Variants in COL15A1 observed in about 807,000 individuals in gnomAD.
The protein encoded by COL15A1 is collagen alpha-1(XV) chain.
In COL15A1, 111 loss-of-function variants were observed where a neutral mutation model predicts 165.9. That is an observed-to-expected ratio of 0.67 (90% CI 0.57 to 0.78). The LOEUF is 0.78. Among genes scored for constraint, COL15A1 ranks in the 30% least tolerant of loss-of-function variants. The pLI is 0.00. For synonymous variants in COL15A1, 659 were observed against 674.8 expected, an observed-to-expected ratio of 0.98 and a Z score of 0.36; for missense variants, 1,745 against 1,789.7, an observed-to-expected ratio of 0.98 and a Z score of 0.45.
intron 6 of COL15A1, 46 bp from the exon 7 acceptor site, chr9:99,000,793 G>T: frequency 1.1e-6 from 1 of 907,596 alleles, no homozygotes; most frequent in South Asian, 1.3e-5. Flanking sequence ...TCTTTTCCAA[G>T]ACTGCAAAAT....
intron 6 of COL15A1, among the ~76,000 whole-genome samples, chr9:98,999,075 G>A (rs1838601069): frequency 6.6e-6 from 1 of 152,210 alleles, no homozygotes; most frequent in Non-Finnish European, 1.5e-5. Flanking sequence ...AGACGAGAGT[G>A]CTCGACCCGT....
chr9:99,057,699 G>T (rs540273539), intron 35 of COL15A1, among the ~76,000 whole-genome samples: 1 of 152,256 alleles, frequency 6.6e-6, no homozygotes, highest in South Asian at 2.1e-4. Flanking sequence ...TAGCTCCAAA[G>T]CCTGTGTTAT....
chr9:98,973,657 C>CAGAG (rs2118846375), intron 2 of COL15A1, among the ~76,000 whole-genome samples: 1 of 152,318 alleles, frequency 6.6e-6, no homozygotes, highest in East Asian at 1.9e-4. Flanking sequence ...TCCACACAGG[C>CAGAG]AGAGAGCTGT....
At position 99,054,641 on chromosome 9, in the gene COL15A1, G is replaced by A. The variant is rs544588080; in HGVS notation, c.3016G>A (p.Ala1006Thr). ...AAAGGGAGAAAAAGGCGACCAGGGA[G>A]CCCAGGGACCACCAGGTATTCCAGC... is the stretch of plus-strand genomic sequence containing the variant. Reference protein sequence around the residue: ...GSKGEKGDQGAQGPPGPPLDL... With the variant: ...GSKGEKGDQGTQGPPGPPLDL... Residue 1006 changes from alanine to threonine, a missense_variant, in exon 32 of 42, where the codon GCC becomes ACC. Transcript: ENST00000375001. 1 of 1,612,502 alleles carries A rather than the reference G, an allele frequency of 6.2e-7. No homozygotes were observed. Among genetic ancestry groups the A allele is most frequent in the Non-Finnish European group, 8.5e-7 (1 of 1,179,562 alleles).
At chr9:99,045,628 G>A (rs1434675666) in intron 26 of COL15A1, among the ~76,000 whole-genome samples, 3 of 152,192 alleles carry the variant, frequency 2.0e-5, no homozygotes, top group Non-Finnish European at 4.4e-5. Flanking sequence ...ACCCCAAGAA[G>A]TGACTCTCAG....
Position 98,944,177 on chromosome 9 carries a change from G to C in COL15A1, c.27G>C (p.Gln9His), listed in dbSNP as rs1411396901. 2 of 1,614,132 alleles carry C rather than the reference G, an allele frequency of 1.2e-6. No individual in the cohort carries two copies. Among genetic ancestry groups the C allele is most frequent in the Admixed American group, 1.7e-5 (1 of 60,024 alleles). Residue 9 changes from glutamine to histidine, a missense_variant, in exon 2 of 42, where the codon CAG becomes CAC. Transcript: ENST00000375001. The part of the protein sequence containing the change: MAPRRNNG[Q>H]CWCLLMLLSV... ...CATCTTGCAGGAGGAACAACGGGCAGTGCTGGTGTCTGCTGATGCTGCTCT... is the reference window on the plus strand; with the variant it reads ...CATCTTGCAGGAGGAACAACGGGCACTGCTGGTGTCTGCTGATGCTGCTCT...
intron 9 of COL15A1, among the ~76,000 whole-genome samples, chr9:99,015,202 A>T (rs1023048655): frequency 6.7e-6 from 1 of 150,224 alleles, no homozygotes; most frequent in Non-Finnish European, 1.5e-5. Context: ...GAGATGTGCT[A>T]GAAGGGACTC....
At chr9:98,971,258 A>G (rs62561172) in intron 2 of COL15A1, among the ~76,000 whole-genome samples, 10,787 of 152,126 alleles carry the variant, frequency 0.071, 570 homozygotes, top group Non-Finnish European at 0.11. Flanking sequence ...GCATGCTCCC[A>G]TCCCATGCCC....
chr9:99,060,139 C>T (rs928540576), intron 36 of COL15A1, among the ~76,000 whole-genome samples, 186 bp downstream of exon 36: 7 of 131,462 alleles, frequency 5.3e-5, no homozygotes, highest in Middle Eastern at 3.7e-3. Flanking sequence ...AGTAAAAAGA[C>T]GTGAAAAAAC....
chr9:98,970,046 A>G (rs1838021213), intron 2 of COL15A1, among the ~76,000 whole-genome samples: 1 of 140,634 alleles, frequency 7.1e-6, no homozygotes, highest in African/African-American at 2.9e-5. Context: ...AGTAGTTTAA[A>G]AAAAAAAAAA....
Position 99,035,082 on chromosome 9 carries a change from C to T in COL15A1, c.2148C>T (p.Val716=). 6.2e-7 allele frequency: 1 copy of T among 1,605,734 alleles called. No homozygotes were observed. Among genetic ancestry groups the T allele is most frequent in the Non-Finnish European group, 8.5e-7 (1 of 1,172,624 alleles). The change falls in exon 18 of 42, where the codon GTC becomes GTT. Residue 716 remains valine (V), a synonymous_variant. Transcript: ENST00000375001. ...GKKGQAGPPG[V]MGPPGPPGPP... ...AGGGACAAGCTGGCCCTCCTGGGGT[C>T]ATGGGACCCCCAGGGCCTCCTGGAC...
intron 30 of COL15A1, among the ~76,000 whole-genome samples, 173 bp from the exon 31 acceptor site, chr9:99,052,215 G>A (rs1056155555): frequency 2.6e-5 from 4 of 152,198 alleles, no homozygotes; most frequent in African/African-American, 9.7e-5. Context: ...TGGGATGTCT[G>A]TGCATTGACA....
intron 11 of COL15A1, among the ~76,000 whole-genome samples, chr9:99,019,523 C>G (rs1554689006): frequency 6.6e-6 from 1 of 151,800 alleles, no homozygotes; most frequent in Non-Finnish European, 1.5e-5. Flanking sequence ...CCTCTAGGAT[C>G]AGTATTGGCC....
At chr9:99,034,228 G>C (rs1839257084) in intron 16 of COL15A1, among the ~76,000 whole-genome samples, 1 of 152,140 alleles carries the variant, frequency 6.6e-6, no homozygotes, top group African/African-American at 2.4e-5. Flanking sequence ...GTGGGGAAGG[G>C]GACCACTCCA....
At chr9:99,015,895 AC>A (rs1838925992) in intron 10 of COL15A1, 80 bp from the exon 11 acceptor site, 5 of 1,532,860 alleles carry the variant, frequency 3.3e-6, no homozygotes, top group East Asian at 4.7e-5. Context: ...CTGGGCTGGC[AC>A]CACAGAAACG....
intron 5 of COL15A1, among the ~76,000 whole-genome samples, chr9:98,990,347 A>G (rs1838397665): frequency 6.6e-6 from 1 of 152,286 alleles, no homozygotes; most frequent in South Asian, 2.1e-4. Flanking sequence ...TGGTATTGCA[A>G]AAGTCCATCC....
chr9:98,948,535 T>TTGCA (rs1285483895), intron 2 of COL15A1, among the ~76,000 whole-genome samples: 2 of 149,074 alleles, frequency 1.3e-5, no homozygotes, highest in African/African-American at 5.0e-5. Flanking sequence ...GAGGCGGAGG[T>TTGCA]TGCAGTGAGC....
rs553757193 is a variant in COL15A1, at chr9:98,995,445, C to T, written c.805-1489C>T. On this transcript the variant is annotated intron_variant, in intron 5 of 41. Coordinates refer to ENST00000375001, the MANE Select transcript of COL15A1 (RefSeq NM_001855.5). ...CAGCTGCCCCCACCACTCCCTCTCC[C>T]GATGCTCCCCAGTGGCTGCCTGTGG... Among the ~76,000 whole-genome samples the T allele has an allele frequency of 1.4e-4, 22 of 152,310 alleles. No individual in the cohort carries two copies. The South Asian group carries it at 1.5e-3, about 10-fold the overall frequency.
intron 30 of COL15A1, among the ~76,000 whole-genome samples, chr9:99,051,165 A>G (rs890510425): frequency 6.6e-6 from 1 of 152,218 alleles, no homozygotes; most frequent in East Asian, 1.9e-4. Context: ...GTGAGTCAGT[A>G]CAGCAGCCTC....
Sources: gnomAD v4.1 joint callset for allele counts (sites outside exome capture counted in the v4.1 genomes callset) on GRCh38, gnomAD v4.1.1 for gene constraint, MANE v1.5 for transcripts, NCBI Gene and HGNC (gene_info 2026-07-23, HGNC 2026-07-21) for gene names.